Variants in CCDC125 observed in about 807,000 individuals in gnomAD.
The protein encoded by CCDC125 is coiled-coil domain-containing protein 125.
CCDC125 carries 43 observed loss-of-function variants against 57.4 expected under a neutral mutation model. The ratio of observed to expected loss-of-function variants is 0.75; its 90% CI spans 0.59 to 0.97. CCDC125 has a LOEUF of 0.97. CCDC125 is among the 50% of genes least tolerant of loss of function. The probability of loss-of-function intolerance (pLI) is 0.00; values close to 1 mark genes in which losing one functional copy is unlikely to be tolerated. For missense variants in CCDC125, 563 were observed against 595.7 expected, an observed-to-expected ratio of 0.95 and a Z score of 0.57; for synonymous variants, 187 against 195.2, an observed-to-expected ratio of 0.96 and a Z score of 0.35.
chr5:69,295,056 G>T (rs1419184211), intron 8 of CCDC125, among the ~76,000 whole-genome samples, 156 bp from the exon 9 acceptor site: 5 of 152,196 alleles, frequency 3.3e-5, no homozygotes, highest in African/African-American at 4.8e-5. Context: ...AGAAAGCTGA[G>T]ACTGGGATCT....
At chr5:69,324,046 C>T (rs1055142206) in intron 1 of CCDC125, among the ~76,000 whole-genome samples, 4 of 151,984 alleles carry the variant, frequency 2.6e-5, no homozygotes, top group African/African-American at 4.8e-5. Context: ...TCCAAAACTT[C>T]GAAAGACATT....
chr5:69,315,439 AAAAAAAAAAAC>A (rs1486281539), intron 2 of CCDC125, among the ~76,000 whole-genome samples: 4 of 24,520 alleles, frequency 1.6e-4, no homozygotes, highest in African/African-American at 3.0e-4. Flanking sequence ...TTCTGTCTCA[AAAAAAAAAAAC>A]AAAAAAAAAA....
At chr5:69,304,565 A>G (rs1172104615) in intron 6 of CCDC125, among the ~76,000 whole-genome samples, 5 of 151,560 alleles carry the variant, frequency 3.3e-5, no homozygotes, top group South Asian at 2.1e-4. Flanking sequence ...AGCTAGGATT[A>G]CAGGCGCCCG....
At chr5:69,304,693 G>C (rs1028087383) in intron 6 of CCDC125, among the ~76,000 whole-genome samples, 1 of 152,122 alleles carries the variant, frequency 6.6e-6, no homozygotes, top group Non-Finnish European at 1.5e-5. Context: ...CCAAAGTGCT[G>C]GGATTACAGG....
chr5:69,299,062 T>C (rs1755886531), intron 8 of CCDC125, among the ~76,000 whole-genome samples: 1 of 152,216 alleles, frequency 6.6e-6, no homozygotes, highest in Non-Finnish European at 1.5e-5. Context: ...CTCAGGACTA[T>C]GCAGGTATTT....
chr5:69,277,024 GTGAC>G (rs1265302726), downstream of CCDC125: 1 of 1,185,896 alleles, frequency 8.4e-7, no homozygotes, highest in African/African-American at 1.5e-5. Flanking sequence ...TTGGAATGCA[GTGAC>G]TGGTTAAAAT....
the CCDC125 span, among the ~76,000 whole-genome samples, chr5:69,273,821 T>C: frequency 6.6e-6 from 1 of 152,196 alleles, no homozygotes; most frequent in Non-Finnish European, 1.5e-5. Flanking sequence ...AATCATTGTT[T>C]AATGCACTTG....
At chr5:69,323,486 C>T (rs1760353617) in intron 1 of CCDC125, among the ~76,000 whole-genome samples, 1 of 152,066 alleles carries the variant, frequency 6.6e-6, no homozygotes, top group African/African-American at 2.4e-5. Context: ...TACTCTGAGT[C>T]CTGCAAATTC....
intron 10 of CCDC125, 55 bp from the exon 11 acceptor site, chr5:69,285,522 C>A (rs1753196285): frequency 6.5e-7 from 1 of 1,532,904 alleles, no homozygotes; most frequent in Non-Finnish European, 8.8e-7. Flanking sequence ...CACTGATATA[C>A]TTCCAGCAAA....
At chr5:69,296,900 G>T (rs1010082322) in intron 8 of CCDC125, among the ~76,000 whole-genome samples, 2 of 152,126 alleles carry the variant, frequency 1.3e-5, no homozygotes, top group African/African-American at 4.8e-5. Context: ...GGAGGCAGAG[G>T]TTGCAGTGAA....
At chr5:69,308,126 A>C (rs1757625903) in intron 4 of CCDC125, 98 bp from the exon 5 acceptor site, 1 of 844,082 alleles carries the variant, frequency 1.2e-6, no homozygotes, top group Non-Finnish European at 2.0e-6. Context: ...TGGAAAATTA[A>C]GATGAATTGA....
chr5:69,313,898 C>T, intron 3 of CCDC125, 87 bp downstream of exon 3: 1 of 977,924 alleles, frequency 1.0e-6, no homozygotes, highest in Non-Finnish European at 1.7e-6. Flanking sequence ...AAGGAGAGGG[C>T]ATGGAGAGCT....
At chr5:69,290,679 G>A (rs1754298719) in intron 10 of CCDC125, among the ~76,000 whole-genome samples, 1 of 144,332 alleles carries the variant, frequency 6.9e-6, no homozygotes, top group African/African-American at 2.6e-5. Context: ...CCCCAGGCTG[G>A]AGTGCAGTAG....
chr5:69,313,693 C>T, intron 3 of CCDC125: 1 of 762,012 alleles, frequency 1.3e-6, no homozygotes, highest in Non-Finnish European at 2.5e-6. Flanking sequence ...GTCTGGTCCA[C>T]ATTGCCCACC....
At chr5:69,315,187 C>T (rs985911062) in intron 2 of CCDC125, among the ~76,000 whole-genome samples, 3 of 151,098 alleles carry the variant, frequency 2.0e-5, no homozygotes, top group African/African-American at 7.3e-5. Flanking sequence ...ACCCAGGAGG[C>T]GGAGGTTGCA....
In CCDC125 at chr5:69,292,769, C is replaced by T. The variant is rs1040266820; in HGVS notation, c.925-407G>A. Among the ~76,000 whole-genome samples, 3 of 152,036 alleles carry T rather than the reference C, an allele frequency of 2.0e-5. No individual in the cohort carries two copies. In the East Asian group the frequency reaches 5.8e-4, roughly 29 times the overall value. On this transcript the variant is annotated intron_variant, in intron 9 of 11. Coordinates refer to ENST00000396496, the MANE Select transcript of CCDC125 (RefSeq NM_176816.5). ...AATGATGAATACGACCTTTCAAATACGTCTTATAGATGACCTTGACTTTGA... is the reference window on the plus strand; with the variant it reads ...AATGATGAATACGACCTTTCAAATATGTCTTATAGATGACCTTGACTTTGA...
At chr5:69,276,722 G>T, downstream of CCDC125, 1 of 1,593,534 alleles carries the variant, frequency 6.3e-7, no homozygotes, top group Non-Finnish European at 8.6e-7. Context: ...GAAATTAAAT[G>T]AATTTAGAAA....
At chr5:69,308,311 G>T in intron 4 of CCDC125, 1 of 417,210 alleles carries the variant, frequency 2.4e-6, no homozygotes. Context: ...CATCTGATAC[G>T]GTTTGGCTCT....
chr5:69,299,435 G>A (rs1756001689), intron 8 of CCDC125, among the ~76,000 whole-genome samples: 1 of 152,196 alleles, frequency 6.6e-6, no homozygotes, highest in South Asian at 2.1e-4. Flanking sequence ...GAAGTGCATG[G>A]CTGCCCCCTA....
Sources: allele counts gnomAD v4.1 joint callset (sites outside exome capture counted in the v4.1 genomes callset), GRCh38; gene constraint gnomAD v4.1.1; transcripts MANE v1.5; gene names NCBI Gene and HGNC (gene_info 2026-07-23, HGNC 2026-07-21).